Variants in STUM observed in about 807,000 individuals in gnomAD.
STUM encodes stum, mechanosensory transduction mediator homolog, also known as protein stum homolog.
STUM carries 8 observed loss-of-function variants against 15.3 expected under a neutral mutation model. The observed-to-expected ratio is 0.52, with a 90% CI of 0.31 to 0.94. The LOEUF (loss-of-function observed/expected upper bound fraction) is 0.94. Ranked by LOEUF, STUM falls within the 40% of genes least tolerant of loss-of-function variation. The pLI is 0.05. For synonymous variants in STUM, 78 were observed against 88.7 expected (o/e 0.88, Z 0.68); for missense variants, 142 against 204.9 (o/e 0.69, Z 1.87).
Position 226,604,313 on chromosome 1 carries a change from T to A in STUM, c.*2273T>A, listed in dbSNP as rs79613381. The A allele has an allele frequency of 0.014, 2,046 of 150,384 alleles. 37 individuals carry two copies. The highest frequency in any genetic ancestry group is 0.047 in the African/African-American group (1,936 of 40,916). 9.3% of individuals were successfully genotyped at this position (150,384 alleles called of 1,614,324 possible). Reference sequence around the variant, plus strand: ...ACCCTGGGTCCCGTGTGGGATGGTTTAATACAGGGGTTTGTGTGTTTGTGT... The same window carrying A: ...ACCCTGGGTCCCGTGTGGGATGGTTAAATACAGGGGTTTGTGTGTTTGTGT... On this transcript the variant is annotated 3_prime_UTR_variant, in exon 4 of 4. Coordinates refer to ENST00000366788, the MANE Select transcript of STUM (RefSeq NM_001003665.4). The surrounding 1 kb of genome is among the most constrained non-coding windows in gnomAD (Gnocchi z 4.7).
chr1:226,551,410 T>TCC (rs893219343), intron 1 of STUM, among the ~76,000 whole-genome samples: 1 of 152,134 alleles, frequency 6.6e-6, no homozygotes, highest in Non-Finnish European at 1.5e-5. Context: ...GTGCTTTTGA[T>TCC]CCCTCTGCTC....
Position 226,605,692 on chromosome 1 carries a change from G to A in STUM, c.*3652G>A, listed in dbSNP as rs904486739. The A allele has an allele frequency of 6.6e-6, 1 of 152,222 alleles. No homozygotes were observed. The highest frequency in any genetic ancestry group is 6.5e-5 in the Admixed American group (1 of 15,286). 9.4% of individuals were successfully genotyped at this position (152,222 alleles called of 1,614,324 possible). Reference sequence around the variant, plus strand: ...CTCCTGAGACCTGTCATCACTTAGGGGGAGTTGGGCAAAACCTCCTAGGAA... The same window carrying A: ...CTCCTGAGACCTGTCATCACTTAGGAGGAGTTGGGCAAAACCTCCTAGGAA... On this transcript the variant is annotated 3_prime_UTR_variant, in exon 4 of 4. Transcript: ENST00000366788. This position sits in a 1 kb window ranked among gnomAD's most constrained non-coding sequence, Gnocchi z 4.0.
intron 1 of STUM, among the ~76,000 whole-genome samples, chr1:226,568,486 C>G (rs138296233): frequency 5.2e-4 from 79 of 152,354 alleles, no homozygotes; most frequent in African/African-American, 1.9e-3. Context: ...GGAATTGGAA[C>G]CAGAACGCTG....
intron 2 of STUM, among the ~76,000 whole-genome samples, chr1:226,598,376 C>G (rs949397027): frequency 6.6e-6 from 1 of 152,186 alleles, no homozygotes; most frequent in South Asian, 2.1e-4. Flanking sequence ...TTCTCTCAAA[C>G]TGAGCATCTG....
Position 226,577,995 on chromosome 1 carries a change from C to T in STUM, c.203-18807C>T, listed in dbSNP as rs544002373. Reference sequence around the variant, plus strand: ...TGCCCCCTCGGCCTCTTCCCTGACACGCAGCCTTACTTTTTCATTGTGATG... The same window carrying T: ...TGCCCCCTCGGCCTCTTCCCTGACATGCAGCCTTACTTTTTCATTGTGATG... On this transcript the variant is annotated intron_variant, in intron 1 of 3. Coordinates refer to ENST00000366788, the MANE Select transcript of STUM (RefSeq NM_001003665.4). 8.1e-4 allele frequency among the ~76,000 whole-genome samples: 124 copies of T among 152,296 alleles called. 1 individual carries two copies. Among genetic ancestry groups the T allele is most frequent in the African/African-American group, 2.8e-3 (117 of 41,560 alleles).
intron 1 of STUM, among the ~76,000 whole-genome samples, chr1:226,577,441 T>C (rs149978751): frequency 1.6e-3 from 236 of 152,182 alleles, no homozygotes; most frequent in Non-Finnish European, 2.4e-3. Context: ...TCTCCAGGGC[T>C]GTGGGAGGCT....
chr1:226,599,257 C>T (rs1412246495), intron 2 of STUM, among the ~76,000 whole-genome samples: 1 of 152,180 alleles, frequency 6.6e-6, no homozygotes, highest in Non-Finnish European at 1.5e-5. Context: ...CCAGTCACAC[C>T]TCATTCTTGC....
intron 1 of STUM, among the ~76,000 whole-genome samples, chr1:226,551,409 A>G (rs908800146): frequency 6.6e-6 from 1 of 152,140 alleles, no homozygotes; most frequent in Non-Finnish European, 1.5e-5. Context: ...AGTGCTTTTG[A>G]TCCCTCTGCT....
intron 1 of STUM, among the ~76,000 whole-genome samples, chr1:226,570,489 G>A (rs562287743): frequency 2.0e-5 from 3 of 152,224 alleles, no homozygotes; most frequent in Non-Finnish European, 4.4e-5. Context: ...GAGAAACTCA[G>A]AAGGCTGAAC....
At chr1:226,591,811 A>G (rs1668090241) in intron 1 of STUM, among the ~76,000 whole-genome samples, 1 of 152,236 alleles carries the variant, frequency 6.6e-6, no homozygotes, top group South Asian at 2.1e-4. Flanking sequence ...TAATAAAAAC[A>G]TGAAAGAACA....
chr1:226,606,748 A>G lies in STUM; in HGVS notation c.*4708A>G, dbSNP rs1161948744. 6.6e-6 allele frequency: 1 copy of G among 152,056 alleles called. No homozygotes were observed. Among genetic ancestry groups the G allele is most frequent in the Non-Finnish European group, 1.5e-5 (1 of 68,034 alleles). The allele number at this position is 152,056 out of a possible 1,614,324, so 9.4% of individuals were successfully genotyped here. ...GAGCAGCCTGAAGCCTTTGCTGTCA[A>G]CCCTCCCAGGAAAGAAGCCGGGCCT... On this transcript the variant is annotated 3_prime_UTR_variant, in exon 4 of 4. Transcript: ENST00000366788.
At chr1:226,596,303 A>T (rs1668178434) in intron 1 of STUM, among the ~76,000 whole-genome samples, 1 of 152,116 alleles carries the variant, frequency 6.6e-6, no homozygotes, top group South Asian at 2.1e-4. Flanking sequence ...CCTGTCCCTT[A>T]GCGAGCAGCA....
intron 1 of STUM, among the ~76,000 whole-genome samples, chr1:226,573,978 G>T (rs1370281033): frequency 2.0e-5 from 3 of 152,112 alleles, no homozygotes; most frequent in Non-Finnish European, 4.4e-5. Context: ...GGGATTACAG[G>T]TGCACACCAC....
chr1:226,572,435 A>ACCCG (rs1667724903), intron 1 of STUM, among the ~76,000 whole-genome samples: 1 of 152,218 alleles, frequency 6.6e-6, no homozygotes, highest in Admixed American at 6.5e-5. Context: ...AAACCAGGAA[A>ACCCG]CCCGAGGTGG....
chr1:226,587,002 G>A (rs531636951), intron 1 of STUM, among the ~76,000 whole-genome samples: 19 of 152,214 alleles, frequency 1.2e-4, no homozygotes, highest in African/African-American at 4.6e-4. Context: ...TCGCAGTTAG[G>A]GAACTGAGAA....
chr1:226,568,199 T>A (rs903556963), intron 1 of STUM, among the ~76,000 whole-genome samples: 1 of 152,208 alleles, frequency 6.6e-6, no homozygotes, highest in Non-Finnish European at 1.5e-5. Flanking sequence ...CGGCAGCTGC[T>A]GCTGATTTGT....
At chr1:226,550,878 T>C (rs1166008477) in intron 1 of STUM, among the ~76,000 whole-genome samples, 6 of 152,202 alleles carry the variant, frequency 3.9e-5, no homozygotes, top group Admixed American at 3.3e-4. Flanking sequence ...CTCCTTGCCC[T>C]GGGGATCCAG....
chr1:226,597,306 A>G (rs1668198646), intron 2 of STUM: 1 of 529,508 alleles, frequency 1.9e-6, no homozygotes, highest in Admixed American at 2.3e-5. Flanking sequence ...CAACTCAGTT[A>G]CCCTTTCTAA....
intron 1 of STUM, among the ~76,000 whole-genome samples, chr1:226,570,938 GC>G (rs915338867): frequency 1.1e-4 from 16 of 152,174 alleles, no homozygotes; most frequent in African/African-American, 3.9e-4. Flanking sequence ...ATTTTTAAAA[GC>G]AAATTTGTAG....
Sources: gnomAD v4.1 joint callset for allele counts (sites outside exome capture counted in the v4.1 genomes callset) on GRCh38, gnomAD v4.1.1 for gene constraint, Gnocchi (gnomAD v3.1) non-coding constraint, MANE v1.5 for transcripts, NCBI Gene and HGNC (gene_info 2026-07-23, HGNC 2026-07-21) for gene names.